ELOVL6: variants seen among roughly 807,000 people sequenced by gnomAD.
The protein encoded by ELOVL6 is ELOVL fatty acid elongase 6.
Under a neutral mutation model 31.7 loss-of-function variants are expected in ELOVL6, and 8 were observed. The ratio of observed to expected loss-of-function variants is 0.25; its 90% confidence interval spans 0.15 to 0.45. The LOEUF (loss-of-function observed/expected upper bound fraction) is 0.45. ELOVL6 is among the 20% of genes least tolerant of loss of function. ELOVL6 has a pLI of 1.00. For missense variants in ELOVL6, 126 were observed against 326.4 expected (o/e 0.39, Z 4.73); for synonymous variants, 101 against 117.7 (o/e 0.86, Z 0.92).
chr4:110,178,079 A>G (rs1759164111), intron 1 of ELOVL6, among the ~76,000 whole-genome samples: 2 of 152,220 alleles, frequency 1.3e-5, no homozygotes, highest in Non-Finnish European at 2.9e-5. Flanking sequence ...AGTGAGATGC[A>G]TCTCCTCAAG....
At chr4:110,165,758 T>C (rs545849208) in intron 1 of ELOVL6, among the ~76,000 whole-genome samples, 8 of 152,340 alleles carry the variant, frequency 5.3e-5, no homozygotes, top group African/African-American at 1.9e-4. Flanking sequence ...AGGAGGATTT[T>C]TGTAATAAAG....
At chr4:110,052,717 G>T (rs1754866865) in intron 3 of ELOVL6, among the ~76,000 whole-genome samples, 1 of 152,182 alleles carries the variant, frequency 6.6e-6, no homozygotes, top group Non-Finnish European at 1.5e-5. Context: ...TGTAAAATTG[G>T]ATGAAGAGCA....
chr4:110,073,231 G>A (rs138605718), intron 2 of ELOVL6, among the ~76,000 whole-genome samples: 123 of 152,182 alleles, frequency 8.1e-4, no homozygotes, highest in African/African-American at 2.8e-3. Flanking sequence ...GGCTGATAGC[G>A]GGCACACACT....
chr4:110,169,604 T>A (rs1325797741), intron 1 of ELOVL6, among the ~76,000 whole-genome samples: 1 of 152,070 alleles, frequency 6.6e-6, no homozygotes, highest in Non-Finnish European at 1.5e-5. Context: ...ACTCCAATCA[T>A]CTTCCATATT....
At chr4:110,071,562 A>T (rs760636903) in intron 2 of ELOVL6, among the ~76,000 whole-genome samples, 5 of 152,198 alleles carry the variant, frequency 3.3e-5, no homozygotes, top group Admixed American at 6.5e-5. Context: ...CTTTTCAGGC[A>T]GGGGGACAAA....
chr4:110,158,884 C>A (rs897658525), intron 1 of ELOVL6, among the ~76,000 whole-genome samples: 2 of 152,054 alleles, frequency 1.3e-5, no homozygotes, highest in African/African-American at 4.8e-5. Flanking sequence ...TAGTCTTCAA[C>A]TCCTGACCTC....
chr4:110,131,224 C>CT (rs768237325), intron 1 of ELOVL6, among the ~76,000 whole-genome samples: 7 of 152,152 alleles, frequency 4.6e-5, no homozygotes, highest in Admixed American at 2.6e-4. Context: ...GGTGGGACAC[C>CT]TTTCATGAGT....
At chr4:110,123,995 T>C (rs1329040454) in intron 1 of ELOVL6, among the ~76,000 whole-genome samples, 1 of 152,202 alleles carries the variant, frequency 6.6e-6, no homozygotes, top group Non-Finnish European at 1.5e-5. Context: ...TAAATCTTAG[T>C]TACCAAGAAA....
chr4:110,093,866 TA>T (rs2126240767), intron 2 of ELOVL6, among the ~76,000 whole-genome samples: 2 of 152,186 alleles, frequency 1.3e-5, no homozygotes, highest in East Asian at 3.9e-4. Context: ...TGGATGGGAA[TA>T]TTGTGATTTT....
intron 1 of ELOVL6, among the ~76,000 whole-genome samples, chr4:110,183,054 C>T (rs1049168853): frequency 2.0e-5 from 3 of 152,150 alleles, no homozygotes; most frequent in African/African-American, 7.2e-5. Flanking sequence ...TCTGGCATAA[C>T]ATCACATGAC....
chr4:110,075,963 C>T (rs1250624616), intron 2 of ELOVL6, among the ~76,000 whole-genome samples: 1 of 152,164 alleles, frequency 6.6e-6, no homozygotes, highest in Non-Finnish European at 1.5e-5. Flanking sequence ...AAAATAACTT[C>T]CTGAAACACA....
chr4:110,055,230 A>C (rs143011427), intron 3 of ELOVL6, among the ~76,000 whole-genome samples: 2 of 152,328 alleles, frequency 1.3e-5, no homozygotes, highest in East Asian at 3.9e-4. Context: ...GTCATGAGCC[A>C]GAGTCATGCC....
intron 2 of ELOVL6, among the ~76,000 whole-genome samples, chr4:110,063,844 G>A (rs533281976): frequency 3.2e-4 from 49 of 151,920 alleles, no homozygotes; most frequent in African/African-American, 6.0e-4. Flanking sequence ...TTGGGATGCC[G>A]AGGAGGGTGG....
At chr4:110,066,221 T>C (rs74328556) in intron 2 of ELOVL6, among the ~76,000 whole-genome samples, 67 of 152,202 alleles carry the variant, frequency 4.4e-4, no homozygotes, top group Middle Eastern at 6.8e-3. Flanking sequence ...CTCTGACAGT[T>C]TCCAGAGTAG....
chr4:110,196,885 C>T (rs1252450289), intron 1 of ELOVL6, among the ~76,000 whole-genome samples: 2 of 152,154 alleles, frequency 1.3e-5, no homozygotes, highest in African/African-American at 4.8e-5. Flanking sequence ...TCCGGCCGGG[C>T]GGGAGGAGAA....
chr4:110,145,451 G>C (rs940047375), intron 1 of ELOVL6, among the ~76,000 whole-genome samples: 1 of 152,200 alleles, frequency 6.6e-6, no homozygotes, highest in African/African-American at 2.4e-5. Flanking sequence ...AGTTCCCATA[G>C]TAAAGGCTTC....
At chr4:110,159,438 T>C (rs1311640470) in intron 1 of ELOVL6, among the ~76,000 whole-genome samples, 1 of 152,142 alleles carries the variant, frequency 6.6e-6, no homozygotes, top group Non-Finnish European at 1.5e-5. Context: ...GTTTTAATTT[T>C]TTACTATAGA....
chr4:110,177,571 C>T (rs566289768), intron 1 of ELOVL6, among the ~76,000 whole-genome samples: 1 of 152,202 alleles, frequency 6.6e-6, no homozygotes, highest in East Asian at 1.9e-4. Context: ...CATGCCACTG[C>T]TCCTTTCTTT....
chr4:110,127,406 C>CAAA (rs572027886), intron 1 of ELOVL6, among the ~76,000 whole-genome samples: 16,453 of 85,274 alleles, frequency 0.19, 1,859 homozygotes, highest in South Asian at 0.29. Context: ...GATTCCGTCT[C>CAAA]AAAAAAAAAA....
Sources: allele counts gnomAD v4.1 joint callset (sites outside exome capture counted in the v4.1 genomes callset), GRCh38; gene constraint gnomAD v4.1.1; transcripts MANE v1.5; gene names NCBI Gene and HGNC (gene_info 2026-07-23, HGNC 2026-07-21).